Variants in FRMD4B observed in about 807,000 individuals in gnomAD.
The protein encoded by FRMD4B is FERM domain-containing protein 4B.
A neutral mutation model predicts 141.5 loss-of-function variants in FRMD4B; 74 were observed. That is an observed-to-expected ratio of 0.52 (90% CI 0.43 to 0.63). The LOEUF is 0.63. Ranked by LOEUF, FRMD4B falls within the 30% of genes least tolerant of loss-of-function variation. The pLI is 0.00. For synonymous variants in FRMD4B, 506 were observed against 467.9 expected (o/e 1.08, Z -1.05); for missense variants, 1,366 against 1,253.4 (o/e 1.09, Z -1.36).
At chr3:69,481,641 T>C (rs938402298) in intron 1 of FRMD4B, among the ~76,000 whole-genome samples, 1 of 152,198 alleles carries the variant, frequency 6.6e-6, no homozygotes, top group Non-Finnish European at 1.5e-5. Context: ...TCAACTTCAA[T>C]TTCTGGCTCA....
chr3:69,427,939 G>A (rs937570666), intron 2 of FRMD4B, among the ~76,000 whole-genome samples: 11 of 151,562 alleles, frequency 7.3e-5, no homozygotes, highest in African/African-American at 1.5e-4. Flanking sequence ...TACAGGCGGC[G>A]TGAGCCACCA....
intron 1 of FRMD4B, among the ~76,000 whole-genome samples, chr3:69,468,685 C>G (rs1035117286): frequency 6.6e-6 from 1 of 152,144 alleles, no homozygotes; most frequent in African/African-American, 2.4e-5. Flanking sequence ...AGAACTGGAG[C>G]AGCTATATTT....
At chr3:69,454,470 C>A (rs1312295689) in intron 1 of FRMD4B, among the ~76,000 whole-genome samples, 2 of 152,206 alleles carry the variant, frequency 1.3e-5, no homozygotes, top group Admixed American at 1.3e-4. Context: ...GGGCTGTGCG[C>A]CACACTCACG....
intron 1 of FRMD4B, among the ~76,000 whole-genome samples, chr3:69,460,582 G>A (rs918030348): frequency 6.6e-5 from 10 of 152,092 alleles, no homozygotes; most frequent in Admixed American, 1.3e-4. Flanking sequence ...TTTGGCTAGC[G>A]GGAGGCAAAT....
At chr3:69,447,895 T>G (rs767670892) in intron 1 of FRMD4B, among the ~76,000 whole-genome samples, 2 of 152,238 alleles carry the variant, frequency 1.3e-5, no homozygotes, top group Non-Finnish European at 2.9e-5. Context: ...TTTGTATGGT[T>G]TCATTTTATA....
At chr3:69,259,704 A>G (rs1184330649) in intron 5 of FRMD4B, among the ~76,000 whole-genome samples, 1 of 152,200 alleles carries the variant, frequency 6.6e-6, no homozygotes, top group African/African-American at 2.4e-5. Context: ...ACATCCTCTT[A>G]TTTTCAAAGA....
intron 1 of FRMD4B, among the ~76,000 whole-genome samples, chr3:69,523,574 G>C (rs749129013): frequency 6.6e-6 from 1 of 152,150 alleles, no homozygotes. Flanking sequence ...AGAGGAATTG[G>C]AAAGGCAAAA....
chr3:69,463,072 C>T (rs1304976494), intron 1 of FRMD4B, among the ~76,000 whole-genome samples: 2 of 152,240 alleles, frequency 1.3e-5, no homozygotes, highest in African/African-American at 4.8e-5. Flanking sequence ...TGTAATGGAA[C>T]ATAATCTGCA....
At chr3:69,413,055 T>G (rs1241874315) in intron 2 of FRMD4B, among the ~76,000 whole-genome samples, 3 of 152,016 alleles carry the variant, frequency 2.0e-5, no homozygotes, top group African/African-American at 7.3e-5. Flanking sequence ...GTAATTCCAT[T>G]GTCTATGATA....
At chr3:69,379,572 C>T (rs114578764) in intron 1 of FRMD4B, among the ~76,000 whole-genome samples, 311 of 152,358 alleles carry the variant, frequency 2.0e-3, no homozygotes, top group African/African-American at 7.0e-3. Flanking sequence ...GGTGCCACAC[C>T]CAGCCACGCC....
chr3:69,186,187 ATTTC>A (rs960106341), intron 19 of FRMD4B, among the ~76,000 whole-genome samples: 1 of 146,682 alleles, frequency 6.8e-6, no homozygotes, highest in African/African-American at 2.5e-5. Flanking sequence ...TCAAAATGTC[ATTTC>A]TTTCATGGAT....
intron 2 of FRMD4B, among the ~76,000 whole-genome samples, chr3:69,415,116 G>A (rs1704835727): frequency 6.6e-6 from 1 of 152,058 alleles, no homozygotes; most frequent in Non-Finnish European, 1.5e-5. Flanking sequence ...TACCCGCCTT[G>A]GCCTCCCAAA....
At chr3:69,305,089 A>G (rs1701349660) in intron 3 of FRMD4B, among the ~76,000 whole-genome samples, 1 of 152,226 alleles carries the variant, frequency 6.6e-6, no homozygotes, top group Non-Finnish European at 1.5e-5. Context: ...AAAGTGCTAG[A>G]GCTGGGATTT....
At chr3:69,216,726 G>A (rs1214574493) in intron 10 of FRMD4B, among the ~76,000 whole-genome samples, 3 of 151,894 alleles carry the variant, frequency 2.0e-5, no homozygotes. Context: ...CACCACACCT[G>A]GCAATTTCAC....
chr3:69,417,667 A>G (rs1704892947), intron 2 of FRMD4B, among the ~76,000 whole-genome samples: 1 of 152,232 alleles, frequency 6.6e-6, no homozygotes, highest in Non-Finnish European at 1.5e-5. Flanking sequence ...TGATTCTATT[A>G]TAAAGCAGAC....
chr3:69,287,656 C>A, intron 5 of FRMD4B, 96 bp downstream of exon 5: 7 of 600,928 alleles, frequency 1.2e-5, no homozygotes, highest in African/African-American at 2.0e-5. Context: ...TTTTTTTTTT[C>A]TTAGTTTGAA....
chr3:69,265,571 C>A (rs2093557298), intron 5 of FRMD4B, among the ~76,000 whole-genome samples: 1 of 149,912 alleles, frequency 6.7e-6, no homozygotes, highest in Admixed American at 6.7e-5. Context: ...CCTCAGCCTC[C>A]CGAGTAGCTG....
intron 2 of FRMD4B, among the ~76,000 whole-genome samples, chr3:69,393,151 G>C (rs759634886): frequency 1.3e-5 from 2 of 152,016 alleles, no homozygotes; most frequent in Non-Finnish European, 1.5e-5. Context: ...CACCACTAAG[G>C]CACCTATTCA....
At chr3:69,254,672 A>G (rs947180815) in intron 5 of FRMD4B, among the ~76,000 whole-genome samples, 15 of 152,170 alleles carry the variant, frequency 9.9e-5, no homozygotes, top group African/African-American at 3.6e-4. Flanking sequence ...ATGTTTCACA[A>G]CTGGAAACTG....
Sources: gnomAD v4.1 joint callset for allele counts (sites outside exome capture counted in the v4.1 genomes callset) on GRCh38, gnomAD v4.1.1 for gene constraint, MANE v1.5 for transcripts, NCBI Gene and HGNC (gene_info 2026-07-23, HGNC 2026-07-21) for gene names.